Variants in SORCS1 observed in about 807,000 individuals in gnomAD.
SORCS1 encodes the protein VPS10 domain-containing receptor SorCS1.
A neutral mutation model predicts 146.1 loss-of-function variants in SORCS1; 60 were observed. That is an observed-to-expected ratio of 0.41 (90% CI 0.33 to 0.51). The LOEUF is 0.51. Among genes scored for constraint, SORCS1 ranks in the 20% least tolerant of loss-of-function variants. The pLI, the probability that SORCS1 is intolerant of heterozygous loss-of-function variation, is 0.21. For synonymous variants in SORCS1, 637 were observed against 584.0 expected, an observed-to-expected ratio of 1.09 and a Z score of -1.31; for missense variants, 1,352 against 1,487.6, an observed-to-expected ratio of 0.91 and a Z score of 1.50.
At chr10:106,987,276 T>A (rs936196263) in intron 1 of SORCS1, among the ~76,000 whole-genome samples, 3 of 152,220 alleles carry the variant, frequency 2.0e-5, no homozygotes, top group Non-Finnish European at 4.4e-5. Flanking sequence ...CTCAGCTACT[T>A]ACTAAGCTCC....
intron 16 of SORCS1, among the ~76,000 whole-genome samples, chr10:106,670,680 CA>C (rs965629627): frequency 6.6e-6 from 1 of 150,740 alleles, no homozygotes; most frequent in African/African-American, 2.4e-5. Context: ...TGAAGCAGCA[CA>C]GAAAGAATCT....
intron 1 of SORCS1, among the ~76,000 whole-genome samples, chr10:107,069,615 A>G (rs2134171820): frequency 6.6e-6 from 1 of 152,254 alleles, no homozygotes; most frequent in East Asian, 1.9e-4. Context: ...ACCTCAGGTG[A>G]TCCACCCACC....
At chr10:107,157,863 T>C (rs554380638) in intron 1 of SORCS1, among the ~76,000 whole-genome samples, 3 of 152,294 alleles carry the variant, frequency 2.0e-5, no homozygotes, top group African/African-American at 7.2e-5. Flanking sequence ...TTCTCTGCCA[T>C]CCCCTTTGGC....
At chr10:106,942,905 C>T (rs1056989244) in intron 2 of SORCS1, among the ~76,000 whole-genome samples, 2 of 152,182 alleles carry the variant, frequency 1.3e-5, no homozygotes, top group African/African-American at 2.4e-5. Context: ...TTTGTTCTCA[C>T]TTAAAGAAAG....
chr10:106,700,793 G>A (rs952293337), intron 8 of SORCS1, among the ~76,000 whole-genome samples: 1 of 152,066 alleles, frequency 6.6e-6, no homozygotes, highest in Non-Finnish European at 1.5e-5. Context: ...TATCCAAAGG[G>A]CTTTATATTC....
chr10:106,921,748 A>G (rs2138415408), intron 2 of SORCS1, among the ~76,000 whole-genome samples: 1 of 152,332 alleles, frequency 6.6e-6, no homozygotes, highest in Middle Eastern at 3.4e-3. Flanking sequence ...CTCTGTCGGT[A>G]TTAATGCTAA....
rs865820803 is a variant in SORCS1, at chr10:106,908,299, C to G, written c.626+48214G>C. Among the ~76,000 whole-genome samples, 12 of 152,184 alleles carry G rather than the reference C, an allele frequency of 7.9e-5. 1 individual carries two copies. Among genetic ancestry groups the G allele is most frequent in the Admixed American group, 5.9e-4 (9 of 15,284 alleles). On this transcript the variant is annotated intron_variant, in intron 2 of 25. Transcript: ENST00000263054. Reference sequence around the variant, plus strand: ...TCCTAACTTCCTAACTGGCATATGTCTTAAATACGGGTTAGGAGTTTTTAC... The same window carrying G: ...TCCTAACTTCCTAACTGGCATATGTGTTAAATACGGGTTAGGAGTTTTTAC...
chr10:107,044,512 TAAAA>T (rs59253149), intron 1 of SORCS1, among the ~76,000 whole-genome samples: 6 of 74,084 alleles, frequency 8.1e-5, no homozygotes, highest in Non-Finnish European at 1.2e-4. Context: ...TTCTAATTTG[TAAAA>T]AAAAAAAAAA....
chr10:106,853,969 G>T (rs1358801214), intron 2 of SORCS1, among the ~76,000 whole-genome samples: 1 of 151,874 alleles, frequency 6.6e-6, no homozygotes, highest in Non-Finnish European at 1.5e-5. Context: ...ATTTTACCCT[G>T]TTGGTTGATG....
intron 18 of SORCS1, among the ~76,000 whole-genome samples, chr10:106,641,243 A>T (rs941096431): frequency 2.6e-5 from 4 of 152,100 alleles, no homozygotes; most frequent in Non-Finnish European, 4.4e-5. Flanking sequence ...TGTGTTATGG[A>T]GGTATTTCTG....
intron 1 of SORCS1, among the ~76,000 whole-genome samples, chr10:107,151,429 A>T (rs1968783593): frequency 6.6e-6 from 1 of 152,000 alleles, no homozygotes; most frequent in Non-Finnish European, 1.5e-5. Context: ...AATTGGACTT[A>T]CAGTTCCACA....
At chr10:106,986,627 T>C (rs1956490165) in intron 1 of SORCS1, among the ~76,000 whole-genome samples, 1 of 152,036 alleles carries the variant, frequency 6.6e-6, no homozygotes, top group Non-Finnish European at 1.5e-5. Context: ...TGTAAATTGC[T>C]TGATATTTTT....
chr10:106,827,651 A>C (rs2136989442), intron 3 of SORCS1, among the ~76,000 whole-genome samples: 2 of 152,326 alleles, frequency 1.3e-5, no homozygotes, highest in Non-Finnish European at 2.9e-5. Flanking sequence ...CATAAAAATA[A>C]AAGATATAAG....
In SORCS1 at chr10:107,060,580, T is replaced by C. The variant is rs1590045149; in HGVS notation, c.558+103389A>G. Among the ~76,000 whole-genome samples, 1 of 152,146 alleles carries C rather than the reference T, an allele frequency of 6.6e-6. No individual in the cohort carries two copies. Among genetic ancestry groups the C allele is most frequent in the East Asian group, 1.9e-4 (1 of 5,182 alleles). On this transcript the variant is annotated intron_variant, in intron 1 of 25. Coordinates refer to ENST00000263054, the MANE Select transcript of SORCS1 (RefSeq NM_052918.5). This position sits in a 1 kb window ranked among gnomAD's most constrained non-coding sequence, Gnocchi z 4.1. Reference sequence around the variant, plus strand: ...AGGACCTTCCTTGGGATCAAAGTCATTTTTCTGTGCTCAGGAAAAGGAGCT... The same window carrying C: ...AGGACCTTCCTTGGGATCAAAGTCACTTTTCTGTGCTCAGGAAAAGGAGCT...
intron 1 of SORCS1, among the ~76,000 whole-genome samples, chr10:107,127,765 C>T (rs1218296982): frequency 6.6e-6 from 1 of 152,210 alleles, no homozygotes; most frequent in Non-Finnish European, 1.5e-5. Flanking sequence ...ATTTCTTCCA[C>T]CTGGTAGGTA....
At chr10:106,586,870 C>T (rs955622439) in intron 24 of SORCS1, among the ~76,000 whole-genome samples, 1 of 152,128 alleles carries the variant, frequency 6.6e-6, no homozygotes, top group Non-Finnish European at 1.5e-5. Flanking sequence ...GCAGACAGAT[C>T]GCTTGAGCCC....
chr10:106,993,780 A>C (rs888467492), intron 1 of SORCS1, among the ~76,000 whole-genome samples: 2 of 152,064 alleles, frequency 1.3e-5, no homozygotes, highest in South Asian at 4.2e-4. Flanking sequence ...TCATATATAG[A>C]AGGGAAAATG....
At chr10:106,723,854 C>A (rs1209197165) in intron 6 of SORCS1, among the ~76,000 whole-genome samples, 1 of 151,884 alleles carries the variant, frequency 6.6e-6, no homozygotes, top group Non-Finnish European at 1.5e-5. Flanking sequence ...GCCTGTGGAC[C>A]CATTTTTTCA....
chr10:106,833,551 G>A (rs12250609), intron 2 of SORCS1, among the ~76,000 whole-genome samples: 4,805 of 152,168 alleles, frequency 0.032, 85 homozygotes, highest in East Asian at 0.054. Flanking sequence ...TTGTTCCTGC[G>A]AGGCTTATCA....
Sources: gnomAD v4.1 joint callset for allele counts (sites outside exome capture counted in the v4.1 genomes callset) on GRCh38, gnomAD v4.1.1 for gene constraint, Gnocchi (gnomAD v3.1) non-coding constraint, MANE v1.5 for transcripts, NCBI Gene and HGNC (gene_info 2026-07-23, HGNC 2026-07-21) for gene names.